AK8: variants seen among roughly 807,000 people sequenced by gnomAD.
AK8 encodes adenylate kinase 8, also known as ATP-AMP transphosphorylase 8.
AK8 carries 44 observed loss-of-function variants against 54.6 expected under a neutral mutation model. The ratio of observed to expected loss-of-function variants is 0.81; its 90% CI spans 0.63 to 1.04. The LOEUF (loss-of-function observed/expected upper bound fraction) is 1.04, where lower values mean the gene tolerates loss of function less well. Ranked by LOEUF, AK8 falls within the 50% of genes least tolerant of loss-of-function variation. The probability of loss-of-function intolerance (pLI) is 0.00; values close to 1 mark genes in which losing one functional copy is unlikely to be tolerated. For missense variants in AK8, 555 were observed against 613.6 expected, an observed-to-expected ratio of 0.90 and a Z score of 1.01; for synonymous variants, 239 against 245.6, an observed-to-expected ratio of 0.97 and a Z score of 0.25.
chr9:132,852,587 G>A (rs2131376837), intron 5 of AK8, among the ~76,000 whole-genome samples: 1 of 149,738 alleles, frequency 6.7e-6, no homozygotes, highest in South Asian at 2.2e-4. Context: ...TCCAGCCTGG[G>A]TGACAGAGCA....
Position 132,799,738 on chromosome 9 carries a change from A to G in AK8, c.980-6963T>C, listed in dbSNP as rs530325525. ...AAACACATCTAGCAAACACACCTAC[A>G]TACCTACACCGCACCCACACTGCCT... is the stretch of plus-strand genomic sequence containing the variant. On this transcript the variant is annotated intron_variant, in intron 10 of 12. Coordinates refer to ENST00000298545, the MANE Select transcript of AK8 (RefSeq NM_152572.3). The surrounding 1 kb of genome is among the most constrained non-coding windows in gnomAD (Gnocchi z 5.0). Among the ~76,000 whole-genome samples the G allele has an allele frequency of 6.6e-6, 1 of 152,174 alleles. No individual in the cohort carries two copies. The highest frequency in any genetic ancestry group is 1.9e-4 in the East Asian group (1 of 5,178).
intron 5 of AK8, among the ~76,000 whole-genome samples, chr9:132,841,367 C>T (rs187646405): frequency 1.3e-5 from 2 of 152,344 alleles, no homozygotes; most frequent in East Asian, 1.9e-4. Flanking sequence ...TAAAATTCTC[C>T]GCACATGACG....
At position 132,799,863 on chromosome 9, in the gene AK8, G is replaced by A. The variant is rs548499852; in HGVS notation, c.980-7088C>T. ...TGTCAAGATGAGCATCAGTGTTCAT[G>A]GGGGAGGCTGGCATTTGCTTCTCTT... On this transcript the variant is annotated intron_variant, in intron 10 of 12. Coordinates refer to ENST00000298545, the MANE Select transcript of AK8 (RefSeq NM_152572.3). This position sits in a 1 kb window ranked among gnomAD's most constrained non-coding sequence, Gnocchi z 5.0. 5.9e-5 allele frequency among the ~76,000 whole-genome samples: 9 copies of A among 152,256 alleles called. No homozygotes were observed. Among genetic ancestry groups the A allele is most frequent in the Non-Finnish European group, 4.4e-5 (3 of 68,024 alleles).
Position 132,827,769 on chromosome 9 carries a change from ACT to A in AK8, c.556+242_556+243del, listed in dbSNP as rs1252887717. 1.8e-4 allele frequency: 93 copies of A among 511,672 alleles called. No individual in the cohort carries two copies. The East Asian group carries it at 3.0e-3, about 17-fold the overall frequency. The allele number at this position is 511,672 out of a possible 1,614,324, so 31.7% of individuals were successfully genotyped here. A position where few individuals can be genotyped will look rare whatever the true frequency, so the allele number is the denominator to read the frequency against. ...CCAGGTGCCTGGCATGACCCCCCAC[ACT>A]CTATTCTGGTTCTGCCACAAGAAAG... On this transcript the variant is annotated intron_variant, in intron 7 of 12. Coordinates refer to ENST00000298545, the MANE Select transcript of AK8 (RefSeq NM_152572.3).
chr9:132,753,240 C>A (rs1838032896), intron 11 of AK8, among the ~76,000 whole-genome samples: 1 of 152,238 alleles, frequency 6.6e-6, no homozygotes, highest in Non-Finnish European at 1.5e-5. Flanking sequence ...CCCTAGTAAG[C>A]CAGCTGGTTC....
chr9:132,790,781 CCAAGAGAATCAACTGAAAAACT>C lies in AK8; in HGVS notation c.1121+1831_1121+1852del, dbSNP rs1839914558. 6.6e-6 allele frequency among the ~76,000 whole-genome samples: 1 copy of C among 151,848 alleles called. No individual in the cohort carries two copies. The highest frequency in any genetic ancestry group is 2.4e-5 in the African/African-American group (1 of 41,302). Reference sequence around the variant, plus strand: ...TGACATGGTCATCTACCTGTAAAACCCAAGAGAATCAACTGAAAAACTATCCAAAACAGTAAGAGGGTTTGAG... The same window carrying C: ...TGACATGGTCATCTACCTGTAAAACCATCCAAAACAGTAAGAGGGTTTGAG... On this transcript the variant is annotated intron_variant, in intron 11 of 12. Coordinates refer to ENST00000298545, the MANE Select transcript of AK8 (RefSeq NM_152572.3). This position sits in a 1 kb window ranked among gnomAD's most constrained non-coding sequence, Gnocchi z 4.1.
intron 4 of AK8, among the ~76,000 whole-genome samples, chr9:132,855,955 C>T (rs1332203075): frequency 6.6e-6 from 1 of 152,180 alleles, no homozygotes; most frequent in Non-Finnish European, 1.5e-5. Flanking sequence ...CCACTCCTGA[C>T]CACTGTGATT....
In AK8 at chr9:132,804,767, C is replaced by T. The variant is rs59348218; in HGVS notation, c.979+9871G>A. On this transcript the variant is annotated intron_variant, in intron 10 of 12. Coordinates refer to ENST00000298545, the MANE Select transcript of AK8 (RefSeq NM_152572.3). Reference sequence around the variant, plus strand: ...GTCCGATGAGGCTGTGCCAAGTTCCCTTGCACAGGAAACCTCAGAGCCAGC... The same window carrying T: ...GTCCGATGAGGCTGTGCCAAGTTCCTTTGCACAGGAAACCTCAGAGCCAGC... Among the ~76,000 whole-genome samples the T allele has an allele frequency of 9.0e-3, 1,363 of 152,264 alleles. 18 individuals are homozygous for T. Among genetic ancestry groups the T allele is most frequent in the African/African-American group, 0.031 (1,271 of 41,548 alleles).
chr9:132,731,672 G>A (rs1836853309), intron 11 of AK8, among the ~76,000 whole-genome samples: 1 of 152,218 alleles, frequency 6.6e-6, no homozygotes, highest in African/African-American at 2.4e-5. Flanking sequence ...ATGACGAGAT[G>A]TCCTATTTAT....
chr9:132,744,057 A>T (rs1246100883), intron 11 of AK8, among the ~76,000 whole-genome samples: 1 of 152,102 alleles, frequency 6.6e-6, no homozygotes, highest in East Asian at 1.9e-4. Flanking sequence ...GACCCTGCTT[A>T]TGTGCCCCCA....
intron 11 of AK8, among the ~76,000 whole-genome samples, chr9:132,747,061 G>T (rs557585951): frequency 3.7e-4 from 57 of 152,146 alleles, no homozygotes; most frequent in Non-Finnish European, 5.9e-4. Context: ...TGAGGCTCAG[G>T]GTAGCCAAGT....
At chr9:132,739,846 C>T (rs1288350213) in intron 11 of AK8, among the ~76,000 whole-genome samples, 2 of 152,238 alleles carry the variant, frequency 1.3e-5, no homozygotes, top group African/African-American at 4.8e-5. Context: ...TAGGTCCAGG[C>T]CCCAAGGGGG....
intron 11 of AK8, among the ~76,000 whole-genome samples, chr9:132,739,588 G>C (rs76675898): frequency 7.9e-4 from 106 of 134,372 alleles, no homozygotes; most frequent in African/African-American, 2.7e-3. Flanking sequence ...TTTTTGTTTT[G>C]TTTTGTTTTT....
intron 11 of AK8, among the ~76,000 whole-genome samples, chr9:132,741,924 A>G (rs1460075935): frequency 6.6e-6 from 1 of 152,186 alleles, no homozygotes; most frequent in East Asian, 1.9e-4. Flanking sequence ...GATAAAAAGA[A>G]AGAGGACTTC....
intron 9 of AK8, among the ~76,000 whole-genome samples, chr9:132,818,612 T>C (rs1841437968): frequency 1.3e-5 from 2 of 151,900 alleles, no homozygotes; most frequent in Admixed American, 6.6e-5. Flanking sequence ...GAAAATGGAT[T>C]ACTAAAAAAT....
rs78206423 is a variant in AK8, at chr9:132,781,175, C to T, written c.1121+11459G>A. On this transcript the variant is annotated intron_variant, in intron 11 of 12. Coordinates refer to ENST00000298545, the MANE Select transcript of AK8 (RefSeq NM_152572.3). The surrounding 1 kb of genome is among the most constrained non-coding windows in gnomAD (Gnocchi z 4.6). The stretch of plus-strand genomic sequence containing the variant: ...TCTTTCTTTGTTTCTTTCTTTCTTT[C>T]TTTTTTTTTACTATTATTATTACGT... Among the ~76,000 whole-genome samples, 3,703 of 146,994 alleles carry T rather than the reference C, an allele frequency of 0.025. 145 individuals carry two copies. Among genetic ancestry groups the T allele is most frequent in the African/African-American group, 0.086 (3,513 of 40,948 alleles).
At chr9:132,801,974 A>C (rs1218278388) in intron 10 of AK8, among the ~76,000 whole-genome samples, 1 of 152,222 alleles carries the variant, frequency 6.6e-6, no homozygotes, top group East Asian at 1.9e-4. Flanking sequence ...TAGGAGGACG[A>C]GCACTGTGAC....
intron 11 of AK8, among the ~76,000 whole-genome samples, chr9:132,753,120 A>G (rs1838025118): frequency 6.6e-6 from 1 of 152,226 alleles, no homozygotes; most frequent in South Asian, 2.1e-4. Context: ...ATCATTCTAC[A>G]CTGGGGAATC....
Position 132,790,502 on chromosome 9 carries a change from G to A in AK8, c.1121+2132C>T, listed in dbSNP as rs375637739. Among the ~76,000 whole-genome samples the A allele has an allele frequency of 3.9e-5, 6 of 152,032 alleles. No individual in the cohort carries two copies. Among genetic ancestry groups the A allele is most frequent in the East Asian group, 1.9e-4 (1 of 5,182 alleles). On this transcript the variant is annotated intron_variant, in intron 11 of 12. Coordinates refer to ENST00000298545, the MANE Select transcript of AK8 (RefSeq NM_152572.3). The surrounding 1 kb of genome is among the most constrained non-coding windows in gnomAD (Gnocchi z 4.1). ...CCTGACCTCATGATCCACCCACCTCGGCCTCCCAAAGTGCTGGGATTACAG... is the reference window on the plus strand; with the variant it reads ...CCTGACCTCATGATCCACCCACCTCAGCCTCCCAAAGTGCTGGGATTACAG...
Sources: allele counts gnomAD v4.1 joint callset (sites outside exome capture counted in the v4.1 genomes callset), GRCh38; gene constraint gnomAD v4.1.1; non-coding constraint Gnocchi (gnomAD v3.1); transcripts MANE v1.5; gene names NCBI Gene and HGNC (gene_info 2026-07-23, HGNC 2026-07-21).